Variants in MAL observed in about 807,000 individuals in gnomAD.
MAL encodes the protein mal, T cell differentiation protein (MAL blood group).
In MAL, 5 loss-of-function variants were observed where a neutral mutation model predicts 16.7. The ratio of observed to expected loss-of-function variants is 0.30; its 90% CI spans 0.16 to 0.63. The LOEUF (loss-of-function observed/expected upper bound fraction) is 0.63, where lower values mean the gene tolerates loss of function less well. Among genes scored for constraint, MAL ranks in the 30% least tolerant of loss-of-function variants. The pLI is 0.82. For synonymous variants in MAL, 96 were observed against 85.5 expected, an observed-to-expected ratio of 1.12 and a Z score of -0.67; for missense variants, 202 against 195.8, an observed-to-expected ratio of 1.03 and a Z score of -0.19.
At chr2:95,051,721 G>A (rs758733657) in intron 3 of MAL, 3 of 152,194 alleles carry the variant, frequency 2.0e-5, no homozygotes, top group Admixed American at 6.5e-5. Flanking sequence ...ATATGTTCAC[G>A]CAGACAGGAG....
intron 1 of MAL, among the ~76,000 whole-genome samples, chr2:95,045,968 A>G (rs970444344): frequency 2.6e-5 from 4 of 152,208 alleles, no homozygotes; most frequent in African/African-American, 7.2e-5. Flanking sequence ...CGGCCCTGCC[A>G]CGTGCCTTCA....
At chr2:95,051,152 C>T (rs918558555) in intron 3 of MAL, among the ~76,000 whole-genome samples, 8 of 152,200 alleles carry the variant, frequency 5.3e-5, no homozygotes, top group Admixed American at 3.3e-4. Flanking sequence ...TAGTTGAGAA[C>T]CACTAGGCTC....
At chr2:95,043,063 G>A (rs1288586384) in intron 1 of MAL, among the ~76,000 whole-genome samples, 1 of 152,240 alleles carries the variant, frequency 6.6e-6, no homozygotes, top group Non-Finnish European at 1.5e-5. Flanking sequence ...AAGCCCGGCT[G>A]CCCAGCCTTC....
intron 1 of MAL, chr2:95,044,225 G>C (rs1674532197): frequency 1.3e-5 from 2 of 152,250 alleles, no homozygotes; most frequent in South Asian, 4.1e-4. Context: ...AGTTTGTAGA[G>C]ATAGAAAGTA....
chr2:95,025,752 C>A lies in MAL; in HGVS notation c.-41C>A. The A allele has an allele frequency of 1.4e-6, 2 of 1,399,770 alleles. No individual in the cohort carries two copies. The highest frequency in any genetic ancestry group is 1.4e-5 in the South Asian group (1 of 71,338). 86.7% of individuals were successfully genotyped at this position (1,399,770 alleles called of 1,614,324 possible). A position where few individuals can be genotyped will look rare whatever the true frequency, so the allele number is the denominator to read the frequency against. On this transcript the variant is annotated 5_prime_UTR_variant, in exon 1 of 4. Transcript: ENST00000309988. This position sits in a 1 kb window ranked among gnomAD's most constrained non-coding sequence, Gnocchi z 5.6. ...GCGAGAGGTCTGCGCGGAGTCTGAG[C>A]GGCGCTCGTCCCGTCCCAAGGCCGA...
intron 1 of MAL, among the ~76,000 whole-genome samples, chr2:95,038,720 CTGAG>C (rs879686448): frequency 2.6e-4 from 32 of 121,178 alleles, no homozygotes; most frequent in Admixed American, 7.4e-4. Flanking sequence ...GAGTGACTGA[CTGAG>C]TAAGAGACTG....
chr2:95,037,491 AG>A (rs1424952234), intron 1 of MAL, among the ~76,000 whole-genome samples: 3 of 150,742 alleles, frequency 2.0e-5, no homozygotes, highest in African/African-American at 7.4e-5. Flanking sequence ...TGACTGAGTG[AG>A]TGACTGAGTG....
intron 1 of MAL, among the ~76,000 whole-genome samples, chr2:95,029,077 A>G (rs1329293417): frequency 6.6e-6 from 1 of 152,270 alleles, no homozygotes; most frequent in Non-Finnish European, 1.5e-5. Context: ...AAAACAAAAA[A>G]TAGAAATATT....
At chr2:95,040,448 C>G (rs1674434429) in intron 1 of MAL, among the ~76,000 whole-genome samples, 1 of 152,126 alleles carries the variant, frequency 6.6e-6, no homozygotes, top group South Asian at 2.1e-4. Flanking sequence ...TGCTTCCTAC[C>G]CTCTATCTCA....
chr2:95,035,393 A>G (rs932658094), intron 1 of MAL, among the ~76,000 whole-genome samples: 1 of 150,302 alleles, frequency 6.7e-6, no homozygotes, highest in African/African-American at 2.5e-5. Context: ...GGTAGGCAGA[A>G]TTTTCCATTC....
chr2:95,037,530 G>A (rs1216600732), intron 1 of MAL, among the ~76,000 whole-genome samples: 3 of 149,774 alleles, frequency 2.0e-5, no homozygotes, highest in Non-Finnish European at 1.5e-5. Flanking sequence ...GTGAGCAAGC[G>A]AGTGAGTGAC....
In MAL at chr2:95,048,259, G is replaced by A; in HGVS notation, c.261+133G>A. On this transcript the variant is annotated intron_variant, in intron 2 of 3. Transcript: ENST00000309988. ...TGTCACCCCACCATGTTCCAAGGCTGAGCCTGCCCAGGGCTCCTGGCAGCA... is the reference window on the plus strand; with the variant it reads ...TGTCACCCCACCATGTTCCAAGGCTAAGCCTGCCCAGGGCTCCTGGCAGCA... The A allele has an allele frequency of 5.0e-6, 5 of 1,004,546 alleles. No homozygotes were observed. The Admixed American group carries it at 7.6e-5, about 15-fold the overall frequency. 62.2% of individuals were successfully genotyped at this position (1,004,546 alleles called of 1,614,324 possible). A position where few individuals can be genotyped will look rare whatever the true frequency, so the allele number is the denominator to read the frequency against.
chr2:95,051,349 C>G (rs1157773389), intron 3 of MAL: 1 of 152,216 alleles, frequency 6.6e-6, no homozygotes, highest in Non-Finnish European at 1.5e-5. Flanking sequence ...AGCAAACTCC[C>G]CAGTGTAGTT....
At chr2:95,034,984 C>CA (rs1674171195) in intron 1 of MAL, among the ~76,000 whole-genome samples, 1 of 152,220 alleles carries the variant, frequency 6.6e-6, no homozygotes, top group Non-Finnish European at 1.5e-5. Flanking sequence ...CAGCAAGCAT[C>CA]GGTAGGGAAG....
intron 1 of MAL, among the ~76,000 whole-genome samples, chr2:95,031,639 C>T (rs867283416): frequency 2.6e-5 from 4 of 152,210 alleles, no homozygotes; most frequent in Non-Finnish European, 4.4e-5. Flanking sequence ...GAGAAAGTTC[C>T]CTGCTGTGCT....
chr2:95,028,152 CAAA>C (rs898443996), intron 1 of MAL, among the ~76,000 whole-genome samples: 3 of 39,688 alleles, frequency 7.6e-5, no homozygotes, highest in African/African-American at 1.0e-4. Context: ...ACTAAAAATA[CAAA>C]AAAAAAAAAA....
intron 1 of MAL, among the ~76,000 whole-genome samples, chr2:95,033,744 C>T (rs1235310970): frequency 6.6e-6 from 1 of 152,110 alleles, no homozygotes; most frequent in African/African-American, 2.4e-5. Flanking sequence ...CATCACTGCC[C>T]TCCAGTGTGG....
At chr2:95,038,548 CTGAGTGAG>C (rs1337940040) in intron 1 of MAL, among the ~76,000 whole-genome samples, 9 of 54,782 alleles carry the variant, frequency 1.6e-4, no homozygotes, top group Admixed American at 4.8e-4. Flanking sequence ...GACTGAGTGA[CTGAGTGAG>C]TGAGTGAGTG....
chr2:95,032,818 G>T (rs894983144), intron 1 of MAL, among the ~76,000 whole-genome samples: 5 of 152,182 alleles, frequency 3.3e-5, no homozygotes, highest in Non-Finnish European at 7.3e-5. Flanking sequence ...GCCACACTCT[G>T]CTTCTCTGCA....
Sources: gnomAD v4.1 joint callset for allele counts (sites outside exome capture counted in the v4.1 genomes callset) on GRCh38, gnomAD v4.1.1 for gene constraint, Gnocchi (gnomAD v3.1) non-coding constraint, MANE v1.5 for transcripts, NCBI Gene and HGNC (gene_info 2026-07-23, HGNC 2026-07-21) for gene names.